Variants in FSTL5 observed in about 807,000 individuals in gnomAD.
The protein encoded by FSTL5 is follistatin-related protein 5.
In FSTL5, 62 loss-of-function variants were observed where a neutral mutation model predicts 89.1. The observed-to-expected ratio is 0.70, with a 90% CI of 0.57 to 0.86. The LOEUF (loss-of-function observed/expected upper bound fraction) is 0.86, where lower values mean the gene tolerates loss of function less well. Among genes scored for constraint, FSTL5 ranks in the 40% least tolerant of loss-of-function variants. FSTL5 has a pLI of 0.00. For missense variants in FSTL5, 1,057 were observed against 1,001.6 expected (o/e 1.06, Z -0.75); for synonymous variants, 383 against 346.2 (o/e 1.11, Z -1.18).
chr4:161,516,464 C>T (rs1016646150), intron 10 of FSTL5, among the ~76,000 whole-genome samples: 1 of 147,402 alleles, frequency 6.8e-6, no homozygotes, highest in African/African-American at 2.5e-5. Flanking sequence ...TATATACACA[C>T]ACTAAGTATA....
intron 6 of FSTL5, among the ~76,000 whole-genome samples, chr4:161,720,550 T>A (rs1328699527): frequency 6.6e-6 from 1 of 152,212 alleles, no homozygotes; most frequent in African/African-American, 2.4e-5. Flanking sequence ...CTTGGAAAGA[T>A]ATCTATACTC....
At chr4:161,403,389 A>G (rs1731252375) in intron 15 of FSTL5, among the ~76,000 whole-genome samples, 1 of 152,172 alleles carries the variant, frequency 6.6e-6, no homozygotes, top group Admixed American at 6.5e-5. Context: ...GGCTTTTAAA[A>G]ATTTAAAGAA....
At chr4:161,836,364 T>C (rs973293240) in intron 4 of FSTL5, among the ~76,000 whole-genome samples, 3 of 148,328 alleles carry the variant, frequency 2.0e-5, no homozygotes, top group African/African-American at 7.5e-5. Context: ...AAATGACGAG[T>C]TAATGGGTGC....
intron 15 of FSTL5, among the ~76,000 whole-genome samples, chr4:161,395,192 T>C (rs1041204699): frequency 6.6e-6 from 1 of 152,022 alleles, no homozygotes; most frequent in Admixed American, 6.6e-5. Context: ...TTTAGCAGAT[T>C]AGAAATTGCA....
chr4:161,579,264 G>A (rs997597448), intron 8 of FSTL5, among the ~76,000 whole-genome samples: 1 of 151,956 alleles, frequency 6.6e-6, no homozygotes, highest in Non-Finnish European at 1.5e-5. Context: ...AAAAATACAT[G>A]ACAATATGTT....
chr4:162,070,229 A>G (rs568067971), intron 2 of FSTL5, among the ~76,000 whole-genome samples: 28 of 151,872 alleles, frequency 1.8e-4, no homozygotes, highest in African/African-American at 6.3e-4. Context: ...TTTCTGTTAG[A>G]TGTTGCATTG....
At chr4:161,622,926 A>T (rs1735194225) in intron 7 of FSTL5, among the ~76,000 whole-genome samples, 1 of 152,118 alleles carries the variant, frequency 6.6e-6, no homozygotes, top group South Asian at 2.1e-4. Flanking sequence ...TATAAATATA[A>T]AGCTGGGAAC....
intron 15 of FSTL5, among the ~76,000 whole-genome samples, chr4:161,443,049 G>A (rs1048778566): frequency 2.0e-5 from 3 of 151,910 alleles, no homozygotes; most frequent in Non-Finnish European, 4.4e-5. Context: ...TAGCTTCAAA[G>A]CCAGGCTTCA....
chr4:162,113,569 C>T lies in FSTL5; in HGVS notation c.-16-2157G>A, dbSNP rs1458157808. 2.0e-5 allele frequency among the ~76,000 whole-genome samples: 3 copies of T among 152,316 alleles called. 1 individual carries two copies. The highest frequency in any genetic ancestry group is 4.1e-4 in the South Asian group (2 of 4,826). On this transcript the variant is annotated intron_variant, in intron 1 of 15. Coordinates refer to ENST00000306100, the MANE Select transcript of FSTL5 (RefSeq NM_020116.5). ...GTACTTTTAAGATAAAAACCAAAAT[C>T]CCTGACCTAGCTGACAAGTTCCCAG... is the stretch of plus-strand genomic sequence containing the variant.
intron 6 of FSTL5, among the ~76,000 whole-genome samples, chr4:161,700,669 G>A (rs991652893): frequency 1.3e-5 from 2 of 152,028 alleles, no homozygotes; most frequent in African/African-American, 4.8e-5. Flanking sequence ...GAGCCACTGT[G>A]CCTGGCCAAG....
At position 161,529,608 on chromosome 4, in the gene FSTL5, T is replaced by G. The variant is rs560851713; in HGVS notation, c.1312+8558A>C. 2.7e-4 allele frequency among the ~76,000 whole-genome samples: 39 copies of G among 142,322 alleles called. 5 individuals carry two copies. The highest frequency in any genetic ancestry group is 9.7e-4 in the African/African-American group (39 of 40,130). 93.4% of individuals were successfully genotyped at this position (142,322 alleles called of 152,430 possible). A position where few individuals can be genotyped will look rare whatever the true frequency, so the allele number is the denominator to read the frequency against. On this transcript the variant is annotated intron_variant, in intron 10 of 15. Coordinates refer to ENST00000306100, the MANE Select transcript of FSTL5 (RefSeq NM_020116.5). ...CAAATTGTTAATTTCTGCTTTAAGT[T>G]ATAATTAGTATATATTCTCTATAGA... is the stretch of plus-strand genomic sequence containing the variant.
At chr4:162,125,492 T>C (rs1046380887) in intron 1 of FSTL5, among the ~76,000 whole-genome samples, 22 of 152,160 alleles carry the variant, frequency 1.4e-4, no homozygotes, top group Non-Finnish European at 2.8e-4. Flanking sequence ...AGATGTGGGA[T>C]TTACCTGTAT....
chr4:161,648,383 G>C (rs1480233134), intron 7 of FSTL5, among the ~76,000 whole-genome samples: 2 of 152,120 alleles, frequency 1.3e-5, no homozygotes, highest in African/African-American at 4.8e-5. Flanking sequence ...TTTGAGCAGC[G>C]GGGCATGAAG....
At chr4:161,766,650 C>A (rs1741009639) in intron 5 of FSTL5, among the ~76,000 whole-genome samples, 1 of 152,092 alleles carries the variant, frequency 6.6e-6, no homozygotes, top group African/African-American at 2.4e-5. Flanking sequence ...TATTCTTCAC[C>A]ATACTGACTT....
chr4:162,082,972 G>A (rs1420983833), intron 2 of FSTL5, among the ~76,000 whole-genome samples: 2 of 151,444 alleles, frequency 1.3e-5, no homozygotes, highest in Admixed American at 6.6e-5. Flanking sequence ...AAATTTGAAT[G>A]GTAAGTTTGA....
intron 8 of FSTL5, among the ~76,000 whole-genome samples, chr4:161,546,275 C>T (rs922194520): frequency 7.3e-6 from 1 of 136,824 alleles, no homozygotes; most frequent in Non-Finnish European, 1.5e-5. Flanking sequence ...TATAAATATG[C>T]ATATTATATA....
At chr4:162,015,328 T>A (rs1487882504) in intron 3 of FSTL5, among the ~76,000 whole-genome samples, 1 of 152,224 alleles carries the variant, frequency 6.6e-6, no homozygotes, top group Non-Finnish European at 1.5e-5. Flanking sequence ...ATTCCAGATC[T>A]GCTTACTTGG....
chr4:162,055,234 A>AAT (rs1445879604), intron 2 of FSTL5, among the ~76,000 whole-genome samples: 2 of 151,784 alleles, frequency 1.3e-5, no homozygotes, highest in Non-Finnish European at 2.9e-5. Context: ...GAGATTTAAA[A>AAT]ATATATATAT....
intron 7 of FSTL5, among the ~76,000 whole-genome samples, chr4:161,634,340 T>C (rs1735613126): frequency 6.6e-6 from 1 of 152,228 alleles, no homozygotes; most frequent in African/African-American, 2.4e-5. Flanking sequence ...GCCCTCTATT[T>C]GCTCTAACCT....
Sources: allele counts gnomAD v4.1 joint callset (sites outside exome capture counted in the v4.1 genomes callset), GRCh38; gene constraint gnomAD v4.1.1; transcripts MANE v1.5; gene names NCBI Gene and HGNC (gene_info 2026-07-23, HGNC 2026-07-21).